The following SUPT20H variants were observed in gnomAD, a reference collection of about 807,000 sequenced individuals.
SUPT20H encodes the protein transcription factor SPT20 homolog.
A neutral mutation model predicts 122.8 loss-of-function variants in SUPT20H; 82 were observed. The observed-to-expected ratio is 0.67, with a 90% CI of 0.56 to 0.80. SUPT20H has a LOEUF of 0.80. Ranked by LOEUF, SUPT20H falls within the 30% of genes least tolerant of loss-of-function variation. The pLI is 0.00. For synonymous variants in SUPT20H, 291 were observed against 313.0 expected, an observed-to-expected ratio of 0.93 and a Z score of 0.74; for missense variants, 831 against 921.6, an observed-to-expected ratio of 0.90 and a Z score of 1.27.
chr13:37,025,891 CT>C (rs2139686933), intron 16 of SUPT20H: 1 of 256,804 alleles, frequency 3.9e-6, no homozygotes, highest in East Asian at 7.5e-5. Flanking sequence ...GTATTATAAA[CT>C]TTGGAAAAAT....
At chr13:37,038,279 C>G (rs1375921404) in intron 9 of SUPT20H, 1 of 152,120 alleles carries the variant, frequency 6.6e-6, no homozygotes, top group Non-Finnish European at 1.5e-5. Flanking sequence ...TTTTAAAAGT[C>G]TATCATTTCT....
rs1257577014 is a variant in SUPT20H at position 37,019,371 on chromosome 13, A to T, written c.1843T>A (p.Ser615Thr). 6.2e-7 allele frequency: 1 copy of T among 1,605,348 alleles called. No homozygotes were observed. The highest frequency in any genetic ancestry group is 8.5e-7 in the Non-Finnish European group (1 of 1,176,750). The change falls in exon 22 of 26, where the codon TCA (serine) becomes ACA (threonine). Residue 615 changes from serine to threonine, a missense_variant. Ser to Thr is a moderately conservative substitution (Grantham distance 58). Coordinates refer to ENST00000350612, the MANE Select transcript of SUPT20H (RefSeq NM_001014286.3). ...AGTAGATTTAAGGGCCTGAGACTTG[A>T]AGTATTTTTTAAACCAAATGGAACA... is the stretch of plus-strand genomic sequence containing the variant. ...AGVPFGLKNT[S>T]SLRPLNLLQL...
In SUPT20H at chr13:37,016,022, T is replaced by G. The variant is rs1215180999; in HGVS notation, c.1992+1223A>C. Among the ~76,000 whole-genome samples the G allele has an allele frequency of 3.3e-5, 5 of 152,330 alleles. No homozygotes were observed. In the East Asian group the frequency reaches 9.6e-4, roughly 29 times the overall value. ...AATAGTGGCCGAGGGGAGGAGTTGTTATTTACCAGATATAGTTTCAGTTTT... is the reference window on the plus strand; with the variant it reads ...AATAGTGGCCGAGGGGAGGAGTTGTGATTTACCAGATATAGTTTCAGTTTT... On this transcript the variant is annotated intron_variant, in intron 23 of 25. Transcript: ENST00000350612.
intron 4 of SUPT20H, 78 bp downstream of exon 4, chr13:37,047,800 C>G: frequency 7.0e-7 from 1 of 1,419,902 alleles, no homozygotes; most frequent in Non-Finnish European, 9.5e-7. Flanking sequence ...CTAGCTCAGT[C>G]CCTACGAGGA....
rs755314663 is a variant in SUPT20H at position 37,021,503 on chromosome 13, T to C, written c.1761A>G (p.Ser587=). The part of the protein sequence containing the change: ...AGINLSGLLP[S]GGLLPNALPS... Reference sequence around the variant, plus strand: ...GCAGTGCATTTGGTAGCAGACCTCCTGAGGGTAGAAGGCCGCTCAGGTTTA... The same window carrying C: ...GCAGTGCATTTGGTAGCAGACCTCCCGAGGGTAGAAGGCCGCTCAGGTTTA... The change falls in exon 21 of 26, where the codon TCA becomes TCG. Residue 587 remains serine, a synonymous_variant. Coordinates refer to ENST00000350612, the MANE Select transcript of SUPT20H (RefSeq NM_001014286.3). The C allele has an allele frequency of 3.7e-6, 6 of 1,614,000 alleles. No individual in the cohort carries two copies. In the Admixed American group the frequency reaches 1.0e-4, roughly 27 times the overall value.
At position 37,009,793 on chromosome 13, in the gene SUPT20H, T is replaced by C; in HGVS notation, c.2219A>G (p.Gln740Arg). Residue 740 changes from glutamine (Q) to arginine (R), a missense_variant, in exon 26 of 26, where the codon CAG (glutamine) becomes CGG (arginine). Coordinates refer to ENST00000350612, the MANE Select transcript of SUPT20H (RefSeq NM_001014286.3). ...QQQIQQLRFL[Q>R]HQMAMAAAAA... ...TGCTGCTGCCATAGCCATTTGATGC[T>C]GCAAGAATCGCAACTGCTGCAAAAG... The C allele has an allele frequency of 6.2e-7, 1 of 1,611,824 alleles. No individual in the cohort carries two copies. Among genetic ancestry groups the C allele is most frequent in the Non-Finnish European group, 8.5e-7 (1 of 1,179,428 alleles).
chr13:37,054,601 T>C (rs1284888711), intron 1 of SUPT20H, among the ~76,000 whole-genome samples: 1 of 152,202 alleles, frequency 6.6e-6, no homozygotes, highest in Non-Finnish European at 1.5e-5. Flanking sequence ...AAATTAGGTA[T>C]TGATGGGACG....
intron 1 of SUPT20H, among the ~76,000 whole-genome samples, chr13:37,056,229 T>C (rs1056512855): frequency 2.6e-5 from 4 of 152,136 alleles, no homozygotes; most frequent in African/African-American, 9.7e-5. Context: ...GATCTAGAAG[T>C]AGAAATACCA....
intron 23 of SUPT20H, among the ~76,000 whole-genome samples, chr13:37,015,185 A>C (rs911267072): frequency 3.3e-5 from 5 of 151,768 alleles, no homozygotes; most frequent in Non-Finnish European, 7.4e-5. Context: ...AAAAAAAAAA[A>C]CTTCTGTGCA....
Position 37,044,182 on chromosome 13 carries a change from C to A in SUPT20H, c.293-1G>T, listed in dbSNP as rs1237751311. 6.3e-7 allele frequency: 1 copy of A among 1,597,076 alleles called. No individual in the cohort carries two copies. The highest frequency in any genetic ancestry group is 8.5e-7 in the Non-Finnish European group (1 of 1,172,214). On this transcript the variant is annotated splice_acceptor_variant, in intron 6 of 25. Coordinates refer to ENST00000350612, the MANE Select transcript of SUPT20H (RefSeq NM_001014286.3). LOFTEE classifies it high-confidence loss of function. ...TAGGGCAGTCGAATGGTCTCGGAATCTTAATTTAAAACATGAAGTTTGAAA... is the reference window on the plus strand; with the variant it reads ...TAGGGCAGTCGAATGGTCTCGGAATATTAATTTAAAACATGAAGTTTGAAA...
At chr13:37,036,155 T>C (rs2064345164) in intron 9 of SUPT20H, among the ~76,000 whole-genome samples, 1 of 152,160 alleles carries the variant, frequency 6.6e-6, no homozygotes, top group South Asian at 2.1e-4. Flanking sequence ...AAAAAGATTA[T>C]GACTCCCTAA....
intron 20 of SUPT20H, 57 bp downstream of exon 20, chr13:37,021,954 T>G: frequency 6.7e-7 from 1 of 1,498,906 alleles, no homozygotes; most frequent in Non-Finnish European, 8.9e-7. Context: ...AAGAATTTAT[T>G]TAGATTGGTG....
At chr13:37,047,711 A>G in intron 4 of SUPT20H, 110 bp from the exon 5 acceptor site, 1 of 1,220,368 alleles carries the variant, frequency 8.2e-7, no homozygotes, top group Non-Finnish European at 1.1e-6. Context: ...TCAATTTCCC[A>G]AAAACTGGGG....
chr13:37,057,415 C>G (rs2069345734), intron 1 of SUPT20H, among the ~76,000 whole-genome samples: 1 of 151,424 alleles, frequency 6.6e-6, no homozygotes, highest in Non-Finnish European at 1.5e-5. Context: ...GGTGTCTACA[C>G]AGCTGAACTA....
chr13:37,019,162 T>C (rs960693823), intron 22 of SUPT20H, among the ~76,000 whole-genome samples, 180 bp downstream of exon 22: 9 of 152,200 alleles, frequency 5.9e-5, no homozygotes, highest in African/African-American at 2.2e-4. Context: ...GTGTGGTATA[T>C]AGGATACTGA....
intron 6 of SUPT20H, 58 bp downstream of exon 6, chr13:37,045,189 A>G: frequency 6.3e-7 from 1 of 1,598,868 alleles, no homozygotes; most frequent in African/African-American, 1.3e-5. Flanking sequence ...CTTTAAAAAA[A>G]CCGCACATCC....
intron 7 of SUPT20H, among the ~76,000 whole-genome samples, chr13:37,041,585 C>G (rs138353901): frequency 1.3e-5 from 2 of 151,860 alleles, no homozygotes; most frequent in African/African-American, 4.8e-5. Context: ...CTATTATCAT[C>G]GAAGTCTTGC....
intron 12 of SUPT20H, among the ~76,000 whole-genome samples, chr13:37,030,395 T>G (rs182758489): frequency 2.0e-5 from 3 of 152,322 alleles, no homozygotes; most frequent in Non-Finnish European, 2.9e-5. Flanking sequence ...AACCACGATC[T>G]TAAGAGTAAT....
chr13:37,047,853 G>A (rs9576157), intron 4 of SUPT20H, 25 bp downstream of exon 4: 1 of 1,587,480 alleles, frequency 6.3e-7, no homozygotes, highest in Non-Finnish European at 8.6e-7. Context: ...ATGAATCTAA[G>A]ATGTTACCAA....
Sources: gnomAD v4.1 joint callset for allele counts (sites outside exome capture counted in the v4.1 genomes callset) on GRCh38, gnomAD v4.1.1 for gene constraint, MANE v1.5 for transcripts, NCBI Gene and HGNC (gene_info 2026-07-23, HGNC 2026-07-21) for gene names.